NRG3: variants seen among roughly 807,000 people sequenced by gnomAD.
NRG3 encodes the protein pro-neuregulin-3, membrane-bound isoform.
In NRG3, 31 loss-of-function variants were observed where a neutral mutation model predicts 66.9. The observed-to-expected ratio is 0.46, with a 90% CI of 0.35 to 0.63. NRG3 has a LOEUF of 0.63. NRG3 is among the 20% of genes least tolerant of loss of function. The pLI, the probability that NRG3 is intolerant of heterozygous loss-of-function variation, is 0.00. For synonymous variants in NRG3, 393 were observed against 359.4 expected, an observed-to-expected ratio of 1.09 and a Z score of -1.06; for missense variants, 910 against 878.9, an observed-to-expected ratio of 1.04 and a Z score of -0.45.
At chr10:81,899,281 G>T (rs1444404261) in intron 1 of NRG3, among the ~76,000 whole-genome samples, 1 of 152,188 alleles carries the variant, frequency 6.6e-6, no homozygotes, top group Non-Finnish European at 1.5e-5. Flanking sequence ...TTGCACTATT[G>T]CCTCTGCTTC....
At chr10:82,272,789 T>A (rs1015041587) in intron 1 of NRG3, among the ~76,000 whole-genome samples, 1 of 152,086 alleles carries the variant, frequency 6.6e-6, no homozygotes, top group Non-Finnish European at 1.5e-5. Flanking sequence ...CTCTTTGTAT[T>A]TCTGTCTTTT....
chr10:81,889,744 T>C (rs189755314), intron 1 of NRG3: 5 of 152,018 alleles, frequency 3.3e-5, no homozygotes, highest in Middle Eastern at 3.4e-3. Flanking sequence ...ATTTTTAGTT[T>C]ATCTATTTTA....
chr10:82,896,458 A>G (rs1411305073), intron 4 of NRG3, among the ~76,000 whole-genome samples: 1 of 149,762 alleles, frequency 6.7e-6, no homozygotes, highest in African/African-American at 2.5e-5. Context: ...GATGAGGCTG[A>G]CTGTGAATGA....
intron 1 of NRG3, among the ~76,000 whole-genome samples, chr10:82,176,817 A>G (rs1460146527): frequency 6.6e-6 from 1 of 151,814 alleles, no homozygotes; most frequent in African/African-American, 2.4e-5. Flanking sequence ...CCTTAGCTCA[A>G]ATGACATAGT....
chr10:82,678,036 AAG>A (rs1242306776), intron 2 of NRG3, among the ~76,000 whole-genome samples: 1 of 152,172 alleles, frequency 6.6e-6, no homozygotes. Context: ...CAAGTGTTCT[AAG>A]AGGAAGGACA....
chr10:82,212,328 A>T (rs2075438284), intron 1 of NRG3, among the ~76,000 whole-genome samples: 1 of 152,170 alleles, frequency 6.6e-6, no homozygotes, highest in African/African-American at 2.4e-5. Flanking sequence ...GTGGAGTTTC[A>T]ATGAGATAAT....
intron 1 of NRG3, among the ~76,000 whole-genome samples, chr10:81,942,501 A>AC (rs1564677123): frequency 6.6e-6 from 1 of 152,178 alleles, no homozygotes; most frequent in Non-Finnish European, 1.5e-5. Context: ...CGTTGACTAC[A>AC]CAAGATCTAT....
intron 1 of NRG3, among the ~76,000 whole-genome samples, chr10:81,902,007 C>T (rs554959732): frequency 6.6e-6 from 1 of 152,250 alleles, no homozygotes; most frequent in South Asian, 2.1e-4. Context: ...AACTTCCTGC[C>T]TATATAAGGT....
intron 1 of NRG3, among the ~76,000 whole-genome samples, chr10:82,148,962 G>A (rs1205432870): frequency 6.6e-6 from 1 of 152,076 alleles, no homozygotes; most frequent in Admixed American, 6.6e-5. Flanking sequence ...GTGGGGGTGA[G>A]ATGAGTCAGA....
intron 1 of NRG3, among the ~76,000 whole-genome samples, chr10:82,044,187 G>C (rs1389046393): frequency 6.6e-6 from 1 of 151,966 alleles, no homozygotes; most frequent in African/African-American, 2.4e-5. Flanking sequence ...GCATGTGTAT[G>C]ATTATCATAT....
At chr10:82,236,809 G>A (rs1403855916) in intron 1 of NRG3, among the ~76,000 whole-genome samples, 1 of 139,748 alleles carries the variant, frequency 7.2e-6, no homozygotes, top group African/African-American at 2.6e-5. Context: ...TCCGCCTCCC[G>A]GGTTCATGCC....
intron 1 of NRG3, among the ~76,000 whole-genome samples, chr10:82,327,137 C>G (rs887889814): frequency 1.3e-5 from 2 of 152,194 alleles, no homozygotes; most frequent in African/African-American, 2.4e-5. Context: ...GAACAAGAAC[C>G]AAGGAGAGTA....
chr10:82,141,778 T>C (rs1468165439), intron 1 of NRG3, among the ~76,000 whole-genome samples: 1 of 152,210 alleles, frequency 6.6e-6, no homozygotes, highest in Non-Finnish European at 1.5e-5. Context: ...AGTAACTTTT[T>C]TGATAAGCAT....
chr10:82,613,442 ATTAT>A (rs762164796), intron 2 of NRG3, among the ~76,000 whole-genome samples: 5 of 151,332 alleles, frequency 3.3e-5, no homozygotes, highest in African/African-American at 9.7e-5. Flanking sequence ...TAATTAATTA[ATTAT>A]TTATTTTTTC....
intron 4 of NRG3, among the ~76,000 whole-genome samples, chr10:82,939,250 G>A (rs933567413): frequency 6.6e-6 from 1 of 152,084 alleles, no homozygotes; most frequent in African/African-American, 2.4e-5. Context: ...ATTTGGTGGG[G>A]GTGCAGGGGA....
intron 4 of NRG3, among the ~76,000 whole-genome samples, chr10:82,940,847 CCATAGGG>C (rs1848521205): frequency 1.3e-5 from 2 of 152,216 alleles, no homozygotes; most frequent in Admixed American, 1.3e-4. Context: ...TAATATGATT[CCATAGGG>C]CATTAGGTAC....
chr10:81,976,017 T>A (rs1295333189), intron 1 of NRG3, among the ~76,000 whole-genome samples: 1 of 152,166 alleles, frequency 6.6e-6, no homozygotes, highest in South Asian at 2.1e-4. Context: ...TCAGAAGGAA[T>A]TTAACTCTGT....
At chr10:82,842,205 C>CACACCACTG (rs2063088505) in intron 3 of NRG3, among the ~76,000 whole-genome samples, 1 of 152,070 alleles carries the variant, frequency 6.6e-6, no homozygotes, top group East Asian at 1.9e-4. Context: ...GGGCTGAGAT[C>CACACCACTG]ACACCACTGC....
chr10:82,775,173 A>G (rs57688657), intron 3 of NRG3, among the ~76,000 whole-genome samples: 3,019 of 148,232 alleles, frequency 0.02, 102 homozygotes, highest in African/African-American at 0.07. Context: ...TCGCTTCTTC[A>G]CTGGTTCCTA....
Sources: gnomAD v4.1 joint callset for allele counts (sites outside exome capture counted in the v4.1 genomes callset) on GRCh38, gnomAD v4.1.1 for gene constraint, MANE v1.5 for transcripts, NCBI Gene and HGNC (gene_info 2026-07-23, HGNC 2026-07-21) for gene names.